ANKRD55: variants seen among roughly 807,000 people sequenced by gnomAD.
The protein encoded by ANKRD55 is ankyrin repeat domain 55.
In ANKRD55, 41 loss-of-function variants were observed where a neutral mutation model predicts 60.6. That is an observed-to-expected ratio of 0.68 (90% confidence interval 0.53 to 0.88). ANKRD55 has a LOEUF of 0.88. Ranked by LOEUF, ANKRD55 falls within the 40% of genes least tolerant of loss-of-function variation. The pLI is 0.00. For synonymous variants in ANKRD55, 264 were observed against 290.3 expected, an observed-to-expected ratio of 0.91 and a Z score of 0.92; for missense variants, 732 against 767.6, an observed-to-expected ratio of 0.95 and a Z score of 0.55.
At chr5:56,225,612 A>C (rs1320349078) in intron 2 of ANKRD55, among the ~76,000 whole-genome samples, 1 of 152,216 alleles carries the variant, frequency 6.6e-6, no homozygotes, top group African/African-American at 2.4e-5. Context: ...AATCTCCTTA[A>C]GCTGATAAGC....
At chr5:56,160,896 G>GT (rs1212297258) in intron 5 of ANKRD55, 2 of 152,196 alleles carry the variant, frequency 1.3e-5, no homozygotes, top group Non-Finnish European at 2.9e-5. Context: ...GATGGCTTGG[G>GT]TTTACATCCC....
At chr5:56,115,948 A>G (rs1756871873) in intron 9 of ANKRD55, among the ~76,000 whole-genome samples, 1 of 152,000 alleles carries the variant, frequency 6.6e-6, no homozygotes, top group Non-Finnish European at 1.5e-5. Context: ...TCCATCGCCC[A>G]GGTTCAAGCT....
intron 3 of ANKRD55, among the ~76,000 whole-genome samples, chr5:56,177,997 C>T (rs1758773340): frequency 6.6e-6 from 1 of 152,014 alleles, no homozygotes; most frequent in South Asian, 2.1e-4. Context: ...TAATATTTTA[C>T]AATTATGTAT....
chr5:56,120,272 C>T (rs573033578), intron 8 of ANKRD55, among the ~76,000 whole-genome samples: 13 of 152,018 alleles, frequency 8.6e-5, no homozygotes, highest in South Asian at 4.1e-4. Flanking sequence ...CCTGATCCGC[C>T]GTCCTCGGCC....
chr5:56,154,645 C>T (rs547581011), intron 6 of ANKRD55, among the ~76,000 whole-genome samples: 20 of 145,604 alleles, frequency 1.4e-4, no homozygotes, highest in Non-Finnish European at 2.4e-4. Context: ...AGTGCAGTCA[C>T]GCCATCTCAG....
intron 7 of ANKRD55, among the ~76,000 whole-genome samples, chr5:56,130,615 G>A (rs1757383948): frequency 6.6e-6 from 1 of 152,044 alleles, no homozygotes; most frequent in Non-Finnish European, 1.5e-5. Context: ...ATGCCAAAAG[G>A]TGAATAACAC....
At chr5:56,103,086 C>A (rs1756339834) in intron 10 of ANKRD55, among the ~76,000 whole-genome samples, 1 of 152,202 alleles carries the variant, frequency 6.6e-6, no homozygotes, top group South Asian at 2.1e-4. Flanking sequence ...GGCATGGTGT[C>A]AGCTGTTTAT....
intron 6 of ANKRD55, among the ~76,000 whole-genome samples, chr5:56,145,741 C>G (rs927060604): frequency 2.6e-5 from 4 of 152,186 alleles, no homozygotes; most frequent in African/African-American, 9.7e-5. Context: ...ATCCCTTCAA[C>G]CAGTTCCATA....
At chr5:56,201,587 C>T (rs572347910) in intron 2 of ANKRD55, among the ~76,000 whole-genome samples, 2 of 152,312 alleles carry the variant, frequency 1.3e-5, no homozygotes, top group South Asian at 4.1e-4. Flanking sequence ...TGCTTAACAT[C>T]TCTATGTCCG....
intron 8 of ANKRD55, among the ~76,000 whole-genome samples, chr5:56,117,470 T>C (rs1372610368): frequency 2.6e-5 from 4 of 152,214 alleles, no homozygotes; most frequent in African/African-American, 9.6e-5. Flanking sequence ...ATTTTATTTT[T>C]TGAGACAGAG....
chr5:56,216,407 A>C (rs962918711), intron 2 of ANKRD55, among the ~76,000 whole-genome samples: 6 of 152,232 alleles, frequency 3.9e-5, no homozygotes, highest in Non-Finnish European at 5.9e-5. Context: ...ATGGTCTTTG[A>C]GTATTCAAGT....
intron 4 of ANKRD55, among the ~76,000 whole-genome samples, chr5:56,172,097 C>T (rs537870532): frequency 2.2e-3 from 324 of 144,648 alleles, no homozygotes; most frequent in African/African-American, 7.9e-3. Context: ...CCAACCTGGG[C>T]GACAGAACGA....
chr5:56,170,858 C>A, intron 4 of ANKRD55, 55 bp from the exon 5 acceptor site: 1 of 1,489,100 alleles, frequency 6.7e-7, no homozygotes, highest in South Asian at 1.2e-5. Context: ...GTAACATGGT[C>A]CAACAAACTT....
intron 2 of ANKRD55, among the ~76,000 whole-genome samples, chr5:56,229,795 A>T (rs1233157447): frequency 6.6e-6 from 1 of 152,198 alleles, no homozygotes; most frequent in Admixed American, 6.5e-5. Context: ...GGGATTGGCC[A>T]TGTGCAGGAA....
intron 4 of ANKRD55, among the ~76,000 whole-genome samples, chr5:56,174,253 T>C (rs1197731144): frequency 3.3e-5 from 5 of 152,334 alleles, no homozygotes; most frequent in Non-Finnish European, 5.9e-5. Context: ...GGAGTACTTC[T>C]TCCCAGTCCC....
chr5:56,198,785 C>A (rs1331287219), intron 2 of ANKRD55, among the ~76,000 whole-genome samples: 1 of 151,930 alleles, frequency 6.6e-6, no homozygotes, highest in Non-Finnish European at 1.5e-5. Context: ...GATTTAAAAA[C>A]ACGTGTTTAG....
At chr5:56,111,824 G>A (rs921821523) in intron 9 of ANKRD55, 42 bp from the exon 10 acceptor site, 5 of 1,438,494 alleles carry the variant, frequency 3.5e-6, no homozygotes, top group African/African-American at 2.9e-5. Context: ...GTGAGTATGG[G>A]AAGTAGAGAC....
At chr5:56,123,705 C>T (rs1360916088) in intron 8 of ANKRD55, among the ~76,000 whole-genome samples, 1 of 152,098 alleles carries the variant, frequency 6.6e-6, no homozygotes, top group Non-Finnish European at 1.5e-5. Flanking sequence ...ATTACTAAGA[C>T]CGACTGTTTA....
chr5:56,162,657 G>C (rs985412780), intron 5 of ANKRD55, among the ~76,000 whole-genome samples: 2 of 141,606 alleles, frequency 1.4e-5, no homozygotes, highest in Non-Finnish European at 3.0e-5. Flanking sequence ...ATCTCTTGTT[G>C]GTCAATTTTT....
Sources: allele counts gnomAD v4.1 joint callset (sites outside exome capture counted in the v4.1 genomes callset), GRCh38; gene constraint gnomAD v4.1.1; transcripts MANE v1.5; gene names NCBI Gene and HGNC (gene_info 2026-07-23, HGNC 2026-07-21).